The following BTAF1 variants were observed in gnomAD, a reference collection of about 807,000 sequenced individuals.
The protein encoded by BTAF1 is TATA-binding protein-associated factor 172.
In BTAF1, 38 loss-of-function variants were observed where a neutral mutation model predicts 227.1. The ratio of observed to expected loss-of-function variants is 0.17; its 90% CI spans 0.13 to 0.22. The LOEUF is 0.22. BTAF1 is among the 10% of genes least tolerant of loss of function. The pLI is 1.00. For synonymous variants in BTAF1, 742 were observed against 751.9 expected, an observed-to-expected ratio of 0.99 and a Z score of 0.21; for missense variants, 1,598 against 2,204.0, an observed-to-expected ratio of 0.73 and a Z score of 5.51.
At chr10:92,025,898 G>C (rs1050367764) in intron 35 of BTAF1, among the ~76,000 whole-genome samples, 1 of 151,408 alleles carries the variant, frequency 6.6e-6, no homozygotes, top group African/African-American at 2.4e-5. Flanking sequence ...TTTGGAAGCC[G>C]ACAGGCTCAG....
intron 2 of BTAF1, among the ~76,000 whole-genome samples, chr10:91,938,279 T>C (rs1361145593): frequency 6.6e-6 from 1 of 152,228 alleles, no homozygotes; most frequent in African/African-American, 2.4e-5. Flanking sequence ...ATGAGCTGTC[T>C]TTTTACTTTC....
At chr10:91,978,043 TTTA>T (rs1847808511) in intron 14 of BTAF1, among the ~76,000 whole-genome samples, 6 of 152,164 alleles carry the variant, frequency 3.9e-5, no homozygotes, top group Non-Finnish European at 8.8e-5. Flanking sequence ...CATAATTTAC[TTTA>T]GGGTTCACCC....
In BTAF1 at chr10:91,953,597, A is replaced by G; in HGVS notation, c.565-140A>G. 5.4e-6 allele frequency: 5 copies of G among 918,662 alleles called. 1 individual carries two copies. In the South Asian group the frequency reaches 9.5e-5, roughly 18 times the overall value. The allele number at this position is 918,662 out of a possible 1,614,324, so 56.9% of individuals were successfully genotyped here. A position where few individuals can be genotyped will look rare whatever the true frequency, so the allele number is the denominator to read the frequency against. Reference sequence around the variant, plus strand: ...AATTATGGTACAGTCATACAACAAAAGAGTGTGAACCTGTCAAAAAAGAAT... The same window carrying G: ...AATTATGGTACAGTCATACAACAAAGGAGTGTGAACCTGTCAAAAAAGAAT... On this transcript the variant is annotated intron_variant, in intron 5 of 37. Transcript: ENST00000265990.
At chr10:91,969,847 G>A (rs915648559) in intron 14 of BTAF1, among the ~76,000 whole-genome samples, 29 of 151,646 alleles carry the variant, frequency 1.9e-4, no homozygotes, top group African/African-American at 6.8e-4. Flanking sequence ...GCCTGTAATC[G>A]TAGCTACTCG....
In BTAF1 at chr10:91,953,719, A is replaced by C; in HGVS notation, c.565-18A>C. On this transcript the variant is annotated intron_variant, in intron 5 of 37. Coordinates refer to ENST00000265990, the MANE Select transcript of BTAF1 (RefSeq NM_003972.3). ...TTAATTTCAAAAGTTCCAACTCAGC[A>C]TTCTTTTATTCTTTTAGACTCTTCA... 6.2e-7 allele frequency: 1 copy of C among 1,605,798 alleles called. No individual in the cohort carries two copies. Among genetic ancestry groups the C allele is most frequent in the East Asian group, 2.2e-5 (1 of 44,822 alleles).
intron 34 of BTAF1, among the ~76,000 whole-genome samples, chr10:92,023,807 CA>C (rs1272425891): frequency 6.6e-6 from 1 of 152,054 alleles, no homozygotes; most frequent in Non-Finnish European, 1.5e-5. Flanking sequence ...GGCTGTTTTG[CA>C]TTTTTAGTAG....
chr10:91,943,493 CAAA>C (rs1845152127), intron 4 of BTAF1, among the ~76,000 whole-genome samples: 1 of 151,986 alleles, frequency 6.6e-6, no homozygotes, highest in African/African-American at 2.4e-5. Flanking sequence ...GAGTAAAAAA[CAAA>C]ACAGAATAAC....
rs1851797871 is a variant in BTAF1 at position 92,030,054 on chromosome 10, CA to C, written c.*1122del. On this transcript the variant is annotated 3_prime_UTR_variant, in exon 38 of 38. Coordinates refer to ENST00000265990, the MANE Select transcript of BTAF1 (RefSeq NM_003972.3). ...TATAAGTTTCACGCATAAATTAATA[CA>C]TGCCTGTGTGCATACATATGTATGG... 6.6e-6 allele frequency: 1 copy of C among 152,464 alleles called. No individual in the cohort carries two copies. The highest frequency in any genetic ancestry group is 6.6e-5 in the Admixed American group (1 of 15,250). 9.4% of individuals were successfully genotyped at this position (152,464 alleles called of 1,614,324 possible).
At chr10:91,959,373 A>G (rs1846323230) in intron 9 of BTAF1, 1 of 894,098 alleles carries the variant, frequency 1.1e-6, no homozygotes, top group African/African-American at 1.7e-5. Flanking sequence ...TATTGCCTGG[A>G]GACACTGGTA....
chr10:91,928,218 T>TTAA (rs754217970), intron 1 of BTAF1, among the ~76,000 whole-genome samples: 2 of 152,206 alleles, frequency 1.3e-5, no homozygotes, highest in South Asian at 2.1e-4. Flanking sequence ...TAGACCCTGC[T>TTAA]TAATAGGCTT....
intron 1 of BTAF1, among the ~76,000 whole-genome samples, chr10:91,924,979 A>G (rs1843730495): frequency 6.6e-6 from 1 of 152,240 alleles, no homozygotes; most frequent in Non-Finnish European, 1.5e-5. Context: ...GACTGAAGGA[A>G]TAAATGATGA....
intron 11 of BTAF1, among the ~76,000 whole-genome samples, chr10:91,960,574 A>G (rs1846433058): frequency 6.7e-6 from 1 of 148,856 alleles, no homozygotes. Context: ...TACTTTTTAC[A>G]TAAACTGTCA....
chr10:92,008,372 C>T (rs1564713731), intron 26 of BTAF1, 97 bp downstream of exon 26: 4 of 1,198,172 alleles, frequency 3.3e-6, no homozygotes, highest in Non-Finnish European at 4.5e-6. Flanking sequence ...GAGACAGAGT[C>T]TTGCTCTGTT....
intron 14 of BTAF1, among the ~76,000 whole-genome samples, chr10:91,975,670 AATG>A (rs1847627208): frequency 6.6e-6 from 1 of 152,216 alleles, no homozygotes; most frequent in Non-Finnish European, 1.5e-5. Flanking sequence ...TGCTGGTAGA[AATG>A]ATGAATTGGC....
chr10:92,019,501 T>C (rs920708901), intron 34 of BTAF1, among the ~76,000 whole-genome samples: 1 of 152,228 alleles, frequency 6.6e-6, no homozygotes, highest in African/African-American at 2.4e-5. Flanking sequence ...AGTTACTCTT[T>C]TTAGTTCTTT....
chr10:91,939,445 CT>C (rs1844850729), intron 2 of BTAF1, among the ~76,000 whole-genome samples: 1 of 152,034 alleles, frequency 6.6e-6, no homozygotes, highest in African/African-American at 2.4e-5. Context: ...TTACAAGTTT[CT>C]TTTCTTTTTG....
chr10:91,975,066 C>G (rs989736807), intron 14 of BTAF1, among the ~76,000 whole-genome samples: 1 of 152,184 alleles, frequency 6.6e-6, no homozygotes, highest in Admixed American at 6.5e-5. Flanking sequence ...TCCAGATTAA[C>G]TAGTGTTAGT....
rs980375861 is a variant in BTAF1 at position 91,980,605 on chromosome 10, G to A, written c.1755+47G>A. 4.0e-6 allele frequency: 6 copies of A among 1,495,312 alleles called. No homozygotes were observed. The African/African-American group carries it at 4.1e-5, about 10-fold the overall frequency. The allele number at this position is 1,495,312 out of a possible 1,614,324, so 92.6% of individuals were successfully genotyped here. On this transcript the variant is annotated intron_variant, in intron 15 of 37. Coordinates refer to ENST00000265990, the MANE Select transcript of BTAF1 (RefSeq NM_003972.3). ...GTTCCTTTTCCTAGTAACTTTTGTAGATTTTTAAAATTTTTCATAATTGCT... is the reference window on the plus strand; with the variant it reads ...GTTCCTTTTCCTAGTAACTTTTGTAAATTTTTAAAATTTTTCATAATTGCT...
chr10:91,968,488 A>T (rs1287024907), intron 14 of BTAF1, among the ~76,000 whole-genome samples: 1 of 152,218 alleles, frequency 6.6e-6, no homozygotes, highest in Non-Finnish European at 1.5e-5. Flanking sequence ...TTATGAATAA[A>T]ATTGTTACAA....
Sources: gnomAD v4.1 joint callset for allele counts (sites outside exome capture counted in the v4.1 genomes callset) on GRCh38, gnomAD v4.1.1 for gene constraint, MANE v1.5 for transcripts, NCBI Gene and HGNC (gene_info 2026-07-23, HGNC 2026-07-21) for gene names.